EPM2A: variants seen among roughly 807,000 people sequenced by gnomAD.
EPM2A encodes laforin.
A neutral mutation model predicts 26.5 loss-of-function variants in EPM2A; 21 were observed. That is an observed-to-expected ratio of 0.79 (90% confidence interval 0.56 to 1.14). The LOEUF is 1.14. Among genes scored for constraint, EPM2A ranks in the 50% most tolerant of loss-of-function variants. The pLI is 0.00. For missense variants in EPM2A, 458 were observed against 440.8 expected, an observed-to-expected ratio of 1.04 and a Z score of -0.35; for synonymous variants, 217 against 177.6, an observed-to-expected ratio of 1.22 and a Z score of -1.76.
At chr6:145,415,454 T>C (rs920701471) in intron 4 of EPM2A, among the ~76,000 whole-genome samples, 1 of 152,314 alleles carries the variant, frequency 6.6e-6, no homozygotes, top group Admixed American at 6.5e-5. Context: ...AACGTGCACA[T>C]AGGATAGCCT....
At chr6:145,576,196 G>T (rs748287448) in intron 2 of EPM2A, among the ~76,000 whole-genome samples, 2 of 152,084 alleles carry the variant, frequency 1.3e-5, no homozygotes, top group African/African-American at 4.8e-5. Flanking sequence ...GTCTCCTCTG[G>T]CTGGCTAAAA....
Position 145,715,537 on chromosome 6 carries a change from C to G in EPM2A, c.301+19661G>C, listed in dbSNP as rs190903230. 2.0e-4 allele frequency among the ~76,000 whole-genome samples: 31 copies of G among 152,312 alleles called. No homozygotes were observed. The East Asian group carries it at 5.8e-3, about 28-fold the overall frequency. On this transcript the variant is annotated intron_variant, in intron 1 of 3. Coordinates refer to ENST00000367519, the MANE Select transcript of EPM2A (RefSeq NM_005670.4). ...TTGTACTTTAAATCAGGGGTCCCAA[C>G]CTCTGGCCAACTTCCTCCCTTAGGA...
chr6:145,688,194 C>G (rs144987295), intron 1 of EPM2A, among the ~76,000 whole-genome samples: 2 of 152,142 alleles, frequency 1.3e-5, no homozygotes, highest in Admixed American at 6.5e-5. Flanking sequence ...TTAAGGATAC[C>G]TCTCTGGCTA....
Position 145,507,527 on chromosome 6 carries a change from G to A in EPM2A, c.341-4952C>T, listed in dbSNP as rs115831519. On this transcript the variant is annotated intron_variant, in intron 2 of 3. Coordinates refer to the EPM2A transcript ENST00000450221. ...GAGATAACAGTTAGGGAGAGGCTGA[G>A]AGATAGAGAGATGGAGACACTGGGA... Among the ~76,000 whole-genome samples, 398 of 152,330 alleles carry A rather than the reference G, an allele frequency of 2.6e-3. 5 individuals carry two copies. Among genetic ancestry groups the A allele is most frequent in the African/African-American group, 9.1e-3 (380 of 41,574 alleles).
At chr6:145,668,808 A>C (rs942402911) in intron 2 of EPM2A, among the ~76,000 whole-genome samples, 1 of 152,222 alleles carries the variant, frequency 6.6e-6, no homozygotes, top group Admixed American at 6.5e-5. Flanking sequence ...CTTGCCCAGT[A>C]TATTATTTGT....
At chr6:145,541,123 A>C (rs1024176323) in intron 2 of EPM2A, among the ~76,000 whole-genome samples, 3 of 151,964 alleles carry the variant, frequency 2.0e-5, no homozygotes, top group Non-Finnish European at 2.9e-5. Context: ...ATGTATGAAA[A>C]CAGTTTAATC....
At chr6:145,493,797 G>A (rs1301797888) in intron 4 of EPM2A, among the ~76,000 whole-genome samples, 1 of 152,130 alleles carries the variant, frequency 6.6e-6, no homozygotes, top group East Asian at 1.9e-4. Flanking sequence ...TAATTGATTT[G>A]TGTATATTGA....
chr6:145,515,585 G>A (rs1271841832), intron 2 of EPM2A, among the ~76,000 whole-genome samples: 1 of 152,082 alleles, frequency 6.6e-6, no homozygotes, highest in Non-Finnish European at 1.5e-5. Flanking sequence ...TGTCTCACTG[G>A]GGACTCAGGT....
intron 4 of EPM2A, among the ~76,000 whole-genome samples, chr6:145,456,664 A>C (rs1322485655): frequency 6.6e-6 from 1 of 152,238 alleles, no homozygotes; most frequent in Non-Finnish European, 1.5e-5. Flanking sequence ...GGAAAAAATT[A>C]AGAGGAATTG....
At chr6:145,576,299 C>T (rs73566736) in intron 2 of EPM2A, among the ~76,000 whole-genome samples, 2,460 of 152,276 alleles carry the variant, frequency 0.016, 60 homozygotes, top group African/African-American at 0.055. Context: ...TGCTGCTCTC[C>T]GCTGTTGCAC....
Position 145,598,772 on chromosome 6 carries a change from C to T in EPM2A, c.340+36473G>A, listed in dbSNP as rs192293596. ...ATTAAGTCTTTACTCCATCTTGAGT[C>T]GATTTTTGAATATGGTGTAGGGAAG... On this transcript the variant is annotated intron_variant, in intron 2 of 3. Transcript: ENST00000450221. Among the ~76,000 whole-genome samples, 46 of 152,040 alleles carry T rather than the reference C, an allele frequency of 3.0e-4. 2 individuals carry two copies. The highest frequency in any genetic ancestry group is 2.9e-3 in the Admixed American group (44 of 15,274).
intron 4 of EPM2A, among the ~76,000 whole-genome samples, chr6:145,444,325 A>G (rs1463931644): frequency 6.6e-6 from 1 of 152,180 alleles, no homozygotes; most frequent in Non-Finnish European, 1.5e-5. Flanking sequence ...GTTGAATTTT[A>G]TTGAAATCCT....
chr6:145,426,163 C>A (rs74737887), intron 4 of EPM2A, among the ~76,000 whole-genome samples: 1,875 of 152,278 alleles, frequency 0.012, 41 homozygotes, highest in African/African-American at 0.044. Context: ...CAGAAAAGAA[C>A]CAATTCACTA....
At chr6:145,668,887 A>G (rs1288722377) in intron 2 of EPM2A, among the ~76,000 whole-genome samples, 1 of 152,176 alleles carries the variant, frequency 6.6e-6, no homozygotes, top group African/African-American at 2.4e-5. Flanking sequence ...GGACCATCAA[A>G]CACACCATAT....
At chr6:145,453,427 T>G (rs2114710597) in intron 4 of EPM2A, among the ~76,000 whole-genome samples, 1 of 152,294 alleles carries the variant, frequency 6.6e-6, no homozygotes, top group Admixed American at 6.5e-5. Flanking sequence ...AGAGAGCCAG[T>G]GTCTGTTGTT....
At chr6:145,384,812 A>G (rs1372234413) in intron 4 of EPM2A, among the ~76,000 whole-genome samples, 1 of 147,832 alleles carries the variant, frequency 6.8e-6, no homozygotes, top group Non-Finnish European at 1.5e-5. Context: ...TCTATTTACC[A>G]CTTTCTCTGT....
In EPM2A at chr6:145,415,647, CAAT is replaced by C. The variant is rs199780277; in HGVS notation, c.556-31553_556-31551del. Among the ~76,000 whole-genome samples, 350 of 152,230 alleles carry C rather than the reference CAAT, an allele frequency of 2.3e-3. 1 individual carries two copies. Among genetic ancestry groups the C allele is most frequent in the East Asian group, 0.017 (89 of 5,188 alleles). ...GTGATGATGATAATAATGTTAATAA[CAAT>C]AATGACACCTCCCATTTGTGTTACA... On this transcript the variant is annotated intron_variant, in intron 4 of 4. Transcript: ENST00000638717.
At chr6:145,708,142 G>A (rs1782331797) in intron 1 of EPM2A, among the ~76,000 whole-genome samples, 1 of 152,124 alleles carries the variant, frequency 6.6e-6, no homozygotes, top group Non-Finnish European at 1.5e-5. Flanking sequence ...GGTATCTGGT[G>A]GAAGAAATTT....
intron 4 of EPM2A, among the ~76,000 whole-genome samples, chr6:145,445,326 A>G (rs1779116542): frequency 6.6e-6 from 1 of 152,224 alleles, no homozygotes; most frequent in Non-Finnish European, 1.5e-5. Flanking sequence ...TAACAGCTTT[A>G]GCATTAGCAC....
Sources: allele counts gnomAD v4.1 joint callset (sites outside exome capture counted in the v4.1 genomes callset), GRCh38; gene constraint gnomAD v4.1.1; transcripts MANE v1.5; gene names NCBI Gene and HGNC (gene_info 2026-07-23, HGNC 2026-07-21).